DPF2: variants seen among roughly 807,000 people sequenced by gnomAD.
The protein encoded by DPF2 is zinc finger protein ubi-d4.
Under a neutral mutation model 59.6 loss-of-function variants are expected in DPF2, and 10 were observed. The ratio of observed to expected loss-of-function variants is 0.17; its 90% CI spans 0.10 to 0.28. DPF2 has a LOEUF of 0.28. Ranked by LOEUF, DPF2 falls within the 10% of genes least tolerant of loss-of-function variation. The probability of loss-of-function intolerance (pLI) is 1.00; values close to 1 mark genes in which losing one functional copy is unlikely to be tolerated. For missense variants in DPF2, 315 were observed against 509.4 expected, an observed-to-expected ratio of 0.62 and a Z score of 3.67; for synonymous variants, 189 against 190.6, an observed-to-expected ratio of 0.99 and a Z score of 0.07.
At chr11:65,340,786 G>A (rs1434847397) in intron 2 of DPF2, among the ~76,000 whole-genome samples, 180 bp from the exon 3 acceptor site, 1 of 152,162 alleles carries the variant, frequency 6.6e-6, no homozygotes, top group Non-Finnish European at 1.5e-5. Flanking sequence ...CCAAGGCCCT[G>A]AAGCTTATAT....
In DPF2 at chr11:65,345,716, C is replaced by A; in HGVS notation, c.688C>A (p.His230Asn). 1 of 1,614,166 alleles carries A rather than the reference C, an allele frequency of 6.2e-7. No individual in the cohort carries two copies. Among genetic ancestry groups the A allele is most frequent in the Non-Finnish European group, 8.5e-7 (1 of 1,180,024 alleles). ...NRPGLSYHYAHSHLAEEEGED... is the reference protein window; with the variant it reads ...NRPGLSYHYANSHLAEEEGED... Reference sequence around the variant, plus strand: ...ACCAGGCCTCAGTTACCACTATGCCCACTCCCACTTGGCTGAGGAGGAGGG... The same window carrying A: ...ACCAGGCCTCAGTTACCACTATGCCAACTCCCACTTGGCTGAGGAGGAGGG... The change falls in exon 7 of 11, where the codon CAC (histidine) becomes AAC (asparagine). Residue 230 changes from histidine (H) to asparagine (N), a missense_variant. This residue lies in a region of DPF2 where 58 missense variants were observed against 84.6 expected (regional missense o/e 0.69). Transcript: ENST00000528416.
At chr11:65,344,755 A>G in intron 6 of DPF2, 2 of 987,208 alleles carry the variant, frequency 2.0e-6, no homozygotes, top group Non-Finnish European at 3.0e-6. Context: ...GGAGCAGTGG[A>G]ATTTCTGCTG....
intron 1 of DPF2, among the ~76,000 whole-genome samples, chr11:65,337,131 C>T (rs1262886687): frequency 6.6e-6 from 1 of 152,050 alleles, no homozygotes; most frequent in East Asian, 1.9e-4. Flanking sequence ...ATAGCTGTAG[C>T]TGCTGATTGG....
At chr11:65,336,552 G>C (rs1038038131) in intron 1 of DPF2, among the ~76,000 whole-genome samples, 2 of 151,770 alleles carry the variant, frequency 1.3e-5, no homozygotes, top group Admixed American at 6.6e-5. Flanking sequence ...AGCACTTTGG[G>C]AGTCCGAGGC....
rs1333894789 is a variant in DPF2, at chr11:65,333,879, C to T, written c.-8C>T. On this transcript the variant is annotated 5_prime_UTR_variant, in exon 1 of 11. Coordinates refer to ENST00000528416, the MANE Select transcript of DPF2 (RefSeq NM_006268.5). ...GGCTTCTCGGCCCGAGGCAGAGGAA[C>T]AGGGAAGATGGCGGCTGTGGTGGAG... 3 of 1,613,868 alleles carry T rather than the reference C, an allele frequency of 1.9e-6. No homozygotes were observed. The highest frequency in any genetic ancestry group is 1.1e-5 in the South Asian group (1 of 91,082).
Position 65,341,433 on chromosome 11 carries a change from C to T in DPF2, c.336C>T (p.Ile112=), listed in dbSNP as rs1332722664. 1.9e-6 allele frequency: 3 copies of T among 1,614,142 alleles called. No individual in the cohort carries two copies. Among genetic ancestry groups the T allele is most frequent in the African/African-American group, 1.3e-5 (1 of 74,942 alleles). Residue 112 remains isoleucine (I), a synonymous_variant, in exon 4 of 11, where the codon ATC becomes ATT. Coordinates refer to ENST00000528416, the MANE Select transcript of DPF2 (RefSeq NM_006268.5). The part of the protein sequence containing the change: ...TDQTLKKEGL[I]SQDGSSLEAL... Reference sequence around the variant, plus strand: ...AGACCCTGAAGAAGGAGGGGCTGATCTCTCAGGATGGCAGTAGTTTAGAGG... The same window carrying T: ...AGACCCTGAAGAAGGAGGGGCTGATTTCTCAGGATGGCAGTAGTTTAGAGG...
intron 9 of DPF2, chr11:65,347,274 AAAG>A: frequency 6.6e-6 from 1 of 152,260 alleles, no homozygotes; most frequent in East Asian, 1.9e-4. Flanking sequence ...TCAGCCTCCC[AAAG>A]TGCTGGGATT....
At chr11:65,350,915 G>T (rs1057268431) in intron 10 of DPF2, among the ~76,000 whole-genome samples, 4 of 151,536 alleles carry the variant, frequency 2.6e-5, no homozygotes, top group Non-Finnish European at 5.9e-5. Flanking sequence ...GGAGGCAGAG[G>T]TTAGAGTAAG....
At position 65,354,081 on chromosome 11, in the gene DPF2, G is replaced by A. The variant is rs905071059; in HGVS notation, c.*2322G>A. 6.6e-6 allele frequency among the ~76,000 whole-genome samples: 1 copy of A among 152,204 alleles called. No individual in the cohort carries two copies. The highest frequency in any genetic ancestry group is 2.4e-5 in the African/African-American group (1 of 41,462). On this transcript the variant is annotated 3_prime_UTR_variant, in exon 11 of 11. Coordinates refer to ENST00000528416, the MANE Select transcript of DPF2 (RefSeq NM_006268.5). ...CGGACGGAAGCCTGTGAGGAAGGCA[G>A]AGGATGCGGAGCTGTGAGCGGAGGG...
intron 1 of DPF2, 115 bp from the exon 2 acceptor site, chr11:65,340,270 A>T: frequency 8.0e-7 from 1 of 1,249,952 alleles, no homozygotes; most frequent in Non-Finnish European, 1.1e-6. Context: ...AACGGAAGAG[A>T]CAGCCACCCA....
chr11:65,341,300 G>A, intron 3 of DPF2, 99 bp from the exon 4 acceptor site: 1 of 1,539,166 alleles, frequency 6.5e-7, no homozygotes, highest in South Asian at 1.2e-5. Flanking sequence ...GAGAACAAAA[G>A]ATAGTGACAG....
At chr11:65,345,863 T>TA in intron 7 of DPF2, 60 bp downstream of exon 7, 1 of 1,613,392 alleles carries the variant, frequency 6.2e-7, no homozygotes, top group Non-Finnish European at 8.5e-7. Context: ...TGAAAACCAC[T>TA]CCTTGCATGG....
chr11:65,337,503 A>G (rs1290777714), intron 1 of DPF2, among the ~76,000 whole-genome samples: 2 of 61,380 alleles, frequency 3.3e-5, no homozygotes, highest in African/African-American at 1.4e-4. Context: ...ATATATATAT[A>G]TAGAGAGAGA....
rs894909102 is a variant in DPF2 at position 65,345,399 on chromosome 11, G to GC, written c.638-261dup. ...TAACTGGTGATGGGGCAAGGGCTAA[G>GC]CCCCCCAAAAGTCAACATGGAAGAG... On this transcript the variant is annotated intron_variant, in intron 6 of 10. Coordinates refer to ENST00000528416, the MANE Select transcript of DPF2 (RefSeq NM_006268.5). 20 of 488,932 alleles carry GC rather than the reference G, an allele frequency of 4.1e-5. No individual in the cohort carries two copies. The Admixed American group carries it at 5.9e-4, about 14-fold the overall frequency. The allele number at this position is 488,932 out of a possible 1,614,324, so 30.3% of individuals were successfully genotyped here.
intron 3 of DPF2, 126 bp downstream of exon 3, chr11:65,341,199 C>T (rs374991419): frequency 8.0e-7 from 1 of 1,252,918 alleles, no homozygotes; most frequent in Non-Finnish European, 1.1e-6. Flanking sequence ...GTGATTCTTT[C>T]CTTTAAGGAC....
chr11:65,349,795 C>G (rs1298910687), intron 10 of DPF2, among the ~76,000 whole-genome samples: 4 of 140,440 alleles, frequency 2.8e-5, no homozygotes, highest in Admixed American at 1.5e-4. Flanking sequence ...GACTCCATCT[C>G]AAAGAAAAAA....
intron 1 of DPF2, among the ~76,000 whole-genome samples, chr11:65,335,446 AT>A (rs1218377886): frequency 6.6e-6 from 1 of 152,134 alleles, no homozygotes; most frequent in African/African-American, 2.4e-5. Context: ...GTGTTGGAAG[AT>A]TTTCCTCAGA....
At chr11:65,335,077 TTG>T (rs1468115645) in intron 1 of DPF2, among the ~76,000 whole-genome samples, 3 of 22,038 alleles carry the variant, frequency 1.4e-4, no homozygotes, top group African/African-American at 3.5e-4. Flanking sequence ...CTCTTGTGGT[TTG>T]TTTTTTTTTT....
intron 10 of DPF2, among the ~76,000 whole-genome samples, chr11:65,350,982 GAA>G (rs1004003423): frequency 1.5e-5 from 2 of 132,816 alleles, no homozygotes; most frequent in African/African-American, 5.5e-5. Context: ...TCTTGTCTCA[GAA>G]AAAAAAAAAA....
Sources: gnomAD v4.1 joint callset for allele counts (sites outside exome capture counted in the v4.1 genomes callset) on GRCh38, gnomAD v4.1.1 for gene constraint, gnomAD v4.1.1 regional missense constraint, MANE v1.5 for transcripts, NCBI Gene and HGNC (gene_info 2026-07-23, HGNC 2026-07-21) for gene names.